Variants in DNAL1 observed in about 807,000 individuals in gnomAD.
DNAL1 encodes the protein dynein axonemal light chain 1, also known as chromosome 14 open reading frame 168.
A neutral mutation model predicts 29.4 loss-of-function variants in DNAL1; 17 were observed. That is an observed-to-expected ratio of 0.58 (90% CI 0.40 to 0.87). The LOEUF is 0.87. DNAL1 is among the 40% of genes least tolerant of loss of function. The pLI is 0.00. For synonymous variants in DNAL1, 78 were observed against 76.3 expected (o/e 1.02, Z -0.12); for missense variants, 188 against 214.1 (o/e 0.88, Z 0.76).
chr14:73,690,197 C>T (rs1327204940), intron 7 of DNAL1, among the ~76,000 whole-genome samples: 2 of 152,044 alleles, frequency 1.3e-5, no homozygotes, highest in African/African-American at 4.8e-5. Context: ...GAGAAAAACC[C>T]TGTATTTATT....
chr14:73,696,050 A>T lies in DNAL1; in HGVS notation c.*108A>T. 9.8e-7 allele frequency: 1 copy of T among 1,019,830 alleles called. No individual in the cohort carries two copies. The highest frequency in any genetic ancestry group is 1.4e-6 in the Non-Finnish European group (1 of 711,308). The allele number at this position is 1,019,830 out of a possible 1,614,324, so 63.2% of individuals were successfully genotyped here. On this transcript the variant is annotated 3_prime_UTR_variant, in exon 8 of 8. Transcript: ENST00000553645. ...ATTCTGTATGGGACAAAAGTTTCTTAAGATAAAACAGATCACTCATTCTCA... is the reference window on the plus strand; with the variant it reads ...ATTCTGTATGGGACAAAAGTTTCTTTAGATAAAACAGATCACTCATTCTCA...
At chr14:73,656,795 A>G (rs935757477) in intron 2 of DNAL1, among the ~76,000 whole-genome samples, 11 of 152,040 alleles carry the variant, frequency 7.2e-5, no homozygotes, top group Non-Finnish European at 1.5e-4. Context: ...CCCAACATTT[A>G]TTGAGGATCT....
rs1262070455 is a variant in DNAL1 at position 73,700,972 on chromosome 14, C to G, written c.*5030C>G. 6.6e-6 allele frequency: 1 copy of G among 152,158 alleles called. No homozygotes were observed. Among genetic ancestry groups the G allele is most frequent in the East Asian group, 1.9e-4 (1 of 5,194 alleles). The allele number at this position is 152,158 out of a possible 1,614,324, so 9.4% of individuals were successfully genotyped here. On this transcript the variant is annotated 3_prime_UTR_variant, in exon 8 of 8. Transcript: ENST00000553645. ...AAAATCAAGGGTCATGTTTTAAAAT[C>G]ATGGAACTTTTAGAAATACCATATC...
chr14:73,682,484 C>T (rs1353141198), intron 5 of DNAL1, among the ~76,000 whole-genome samples: 2 of 151,486 alleles, frequency 1.3e-5, no homozygotes, highest in Non-Finnish European at 2.9e-5. Flanking sequence ...CCACTGCGCC[C>T]GGCCAACTTT....
chr14:73,677,885 TGTGTG>T (rs1350270673), intron 5 of DNAL1, among the ~76,000 whole-genome samples: 9 of 15,784 alleles, frequency 5.7e-4, no homozygotes, highest in African/African-American at 1.6e-3. Flanking sequence ...TATATATATT[TGTGTG>T]TGTGTGTGTG....
chr14:73,664,301 T>G (rs543394823), intron 4 of DNAL1, among the ~76,000 whole-genome samples: 4 of 152,320 alleles, frequency 2.6e-5, no homozygotes, highest in African/African-American at 9.6e-5. Flanking sequence ...CTCCTGTCTT[T>G]CTGCCCTTCA....
At chr14:73,665,065 G>A (rs771285590) in intron 4 of DNAL1, among the ~76,000 whole-genome samples, 1 of 152,048 alleles carries the variant, frequency 6.6e-6, no homozygotes, top group Non-Finnish European at 1.5e-5. Context: ...ATTGTGCCTG[G>A]TGCATATAAA....
At chr14:73,648,049 C>T (rs1260913665) in intron 1 of DNAL1, among the ~76,000 whole-genome samples, 1 of 152,080 alleles carries the variant, frequency 6.6e-6, no homozygotes, top group East Asian at 1.9e-4. Flanking sequence ...ACAATCTCGG[C>T]TCACTGCAGC....
At chr14:73,660,345 A>G (rs774179711) in intron 3 of DNAL1, among the ~76,000 whole-genome samples, 24 of 152,188 alleles carry the variant, frequency 1.6e-4, no homozygotes, top group Non-Finnish European at 2.8e-4. Flanking sequence ...AATTTGAGGC[A>G]ATTATACCAC....
chr14:73,677,908 G>GTGTGTGTA (rs1566887482), intron 5 of DNAL1, among the ~76,000 whole-genome samples: 1 of 144,700 alleles, frequency 6.9e-6, no homozygotes, highest in Non-Finnish European at 1.5e-5. Context: ...GTGTGTGTGT[G>GTGTGTGTA]TGTGTGTGAT....
chr14:73,667,001 A>G (rs1350524519), intron 4 of DNAL1, among the ~76,000 whole-genome samples: 1 of 151,076 alleles, frequency 6.6e-6, no homozygotes, highest in African/African-American at 2.4e-5. Context: ...TCTCATCTAG[A>G]GTCATGGCCT....
At chr14:73,669,165 G>A (rs1891556574) in intron 4 of DNAL1, among the ~76,000 whole-genome samples, 2 of 151,650 alleles carry the variant, frequency 1.3e-5, no homozygotes, top group African/African-American at 4.8e-5. Flanking sequence ...TTTTAGACAG[G>A]GTCTCACTCT....
At chr14:73,683,289 A>G (rs1891935841) in intron 5 of DNAL1, among the ~76,000 whole-genome samples, 1 of 152,200 alleles carries the variant, frequency 6.6e-6, no homozygotes, top group Non-Finnish European at 1.5e-5. Context: ...TATGTACTAT[A>G]CATAAGTGTA....
Position 73,661,470 on chromosome 14 carries a change from T to TC in DNAL1, c.153-517_153-516insC, listed in dbSNP as rs34621726. The stretch of plus-strand genomic sequence containing the variant: ...AAAATTTCATAATACCAGGGCCAGG[T>TC]GTGGTGGCTCACACCTCTAATCCCA... On this transcript the variant is annotated intron_variant, in intron 3 of 7. Transcript: ENST00000553645. 8.4e-3 allele frequency among the ~76,000 whole-genome samples: 1,278 copies of TC among 152,122 alleles called. 12 individuals carry two copies. The highest frequency in any genetic ancestry group is 0.027 in the African/African-American group (1,111 of 41,514).
chr14:73,667,689 T>C (rs1404067618), intron 4 of DNAL1, among the ~76,000 whole-genome samples: 3 of 151,920 alleles, frequency 2.0e-5, no homozygotes, highest in Non-Finnish European at 4.4e-5. Flanking sequence ...TTTTATAGAG[T>C]TGGGGTCTCC....
intron 2 of DNAL1, among the ~76,000 whole-genome samples, chr14:73,656,187 GAA>G (rs1299310904): frequency 6.6e-6 from 1 of 151,768 alleles, no homozygotes; most frequent in Non-Finnish European, 1.5e-5. Flanking sequence ...TGAAATACTT[GAA>G]TTCTTGTTTT....
rs1324366813 is a variant in DNAL1, at chr14:73,702,473, T to C, written c.*6531T>C. On this transcript the variant is annotated 3_prime_UTR_variant, in exon 8 of 8. Coordinates refer to ENST00000553645, the MANE Select transcript of DNAL1 (RefSeq NM_031427.4). ...ATTTCTTTAGCTAAGTTTTTTTTTC[T>C]TAGTAGGTTTTTTTCTCCCAGGCTT... 1 of 152,010 alleles carries C rather than the reference T, an allele frequency of 6.6e-6. No homozygotes were observed. Among genetic ancestry groups the C allele is most frequent in the Non-Finnish European group, 1.5e-5 (1 of 68,016 alleles). The allele number at this position is 152,010 out of a possible 1,614,324, so 9.4% of individuals were successfully genotyped here.
rs967621840 is a variant in DNAL1, at chr14:73,695,808, C to T, written c.533-94C>T. On this transcript the variant is annotated intron_variant, in intron 7 of 7. Transcript: ENST00000553645. ...CCTCCCAAAGTGCTGGGATTACAGG[C>T]GTGAGCCACCGTGCCCGGCCAGGAA... The T allele has an allele frequency of 8.9e-5, 91 of 1,025,816 alleles. No individual in the cohort carries two copies. In the East Asian group the frequency reaches 2.3e-3, roughly 25 times the overall value. The allele number at this position is 1,025,816 out of a possible 1,614,324, so 63.5% of individuals were successfully genotyped here. A position where few individuals can be genotyped will look rare whatever the true frequency, so the allele number is the denominator to read the frequency against.
Position 73,697,469 on chromosome 14 carries a change from G to T in DNAL1, c.*1527G>T, listed in dbSNP as rs1404741125. On this transcript the variant is annotated 3_prime_UTR_variant, in exon 8 of 8. Transcript: ENST00000553645. ...TCTAAATACAAACAAGAGGCCAGGC[G>T]TGGTGGCTCATGCCTGTCATCCCAG... The T allele has an allele frequency of 6.6e-6, 1 of 152,148 alleles. No individual in the cohort carries two copies. Among genetic ancestry groups the T allele is most frequent in the Non-Finnish European group, 1.5e-5 (1 of 68,054 alleles). The allele number at this position is 152,148 out of a possible 1,614,324, so 9.4% of individuals were successfully genotyped here.
Sources: allele counts gnomAD v4.1 joint callset (sites outside exome capture counted in the v4.1 genomes callset), GRCh38; gene constraint gnomAD v4.1.1; transcripts MANE v1.5; gene names NCBI Gene and HGNC (gene_info 2026-07-23, HGNC 2026-07-21).